ESR1: variants seen among roughly 807,000 people sequenced by gnomAD.
ESR1 encodes estrogen receptor 1, also known as estrogen receptor.
ESR1 carries 12 observed loss-of-function variants against 52.7 expected under a neutral mutation model. The observed-to-expected ratio is 0.23, with a 90% CI of 0.15 to 0.37. The LOEUF (loss-of-function observed/expected upper bound fraction) is 0.37, where lower values mean the gene tolerates loss of function less well. Among genes scored for constraint, ESR1 ranks in the 10% least tolerant of loss-of-function variants. The pLI, the probability that ESR1 is intolerant of heterozygous loss-of-function variation, is 1.00. For missense variants in ESR1, 584 were observed against 779.7 expected, an observed-to-expected ratio of 0.75 and a Z score of 2.99; for synonymous variants, 305 against 316.8, an observed-to-expected ratio of 0.96 and a Z score of 0.39.
chr6:151,866,005 G>A (rs1459809977), intron 2 of ESR1, among the ~76,000 whole-genome samples: 2 of 152,212 alleles, frequency 1.3e-5, no homozygotes, highest in Non-Finnish European at 2.9e-5. Flanking sequence ...CTTGAGCTGT[G>A]TGGGTGCCCA....
At chr6:151,717,121 AC>A (rs1398425002) in intron 2 of ESR1, among the ~76,000 whole-genome samples, 2 of 151,842 alleles carry the variant, frequency 1.3e-5, no homozygotes, top group Non-Finnish European at 2.9e-5. Flanking sequence ...GAGTTCCCTG[AC>A]CCCTTGGGAT....
chr6:152,101,034 G>GTTTTT lies in ESR1; in HGVS notation c.*2081_*2085dup. 1.0e-5 allele frequency: 2 copies of GTTTTT among 194,278 alleles called. No individual in the cohort carries two copies. The highest frequency in any genetic ancestry group is 2.0e-5 in the Non-Finnish European group (2 of 99,976). 12.0% of individuals were successfully genotyped at this position (194,278 alleles called of 1,614,324 possible). On this transcript the variant is annotated 3_prime_UTR_variant, in exon 8 of 8. Coordinates refer to ENST00000206249, the MANE Select transcript of ESR1 (RefSeq NM_000125.4). The stretch of plus-strand genomic sequence containing the variant: ...TGCAAAAACCAAGGAAAAATATTTA[G>GTTTTT]TTTTTTTTTTTTTTTTTGTATACTT...
intron 2 of ESR1, among the ~76,000 whole-genome samples, chr6:151,750,341 C>T (rs1783809935): frequency 6.6e-6 from 1 of 152,128 alleles, no homozygotes; most frequent in South Asian, 2.1e-4. Context: ...AAATCGTTCT[C>T]AGCAATGGCA....
At chr6:151,829,637 G>A (rs1184085112) in intron 1 of ESR1, among the ~76,000 whole-genome samples, 1 of 152,178 alleles carries the variant, frequency 6.6e-6, no homozygotes, top group Admixed American at 6.5e-5. Flanking sequence ...CCTCTTGGAT[G>A]CAGTGAAGAA....
At chr6:151,899,367 T>A (rs866083914) in intron 3 of ESR1, among the ~76,000 whole-genome samples, 1 of 55,854 alleles carries the variant, frequency 1.8e-5, no homozygotes, top group Non-Finnish European at 3.2e-5. Flanking sequence ...CCCCACCTCC[T>A]TCCCGGACGG....
At chr6:151,821,138 T>C (rs554971440) in intron 1 of ESR1, among the ~76,000 whole-genome samples, 30 of 152,190 alleles carry the variant, frequency 2.0e-4, no homozygotes, top group African/African-American at 7.0e-4. Flanking sequence ...TCCTCTATTC[T>C]GACTCCTGAC....
intron 4 of ESR1, among the ~76,000 whole-genome samples, chr6:151,965,835 A>G (rs1584516423): frequency 1.8e-5 from 2 of 110,108 alleles, no homozygotes; most frequent in Non-Finnish European, 3.8e-5. Flanking sequence ...GGTTTATAAT[A>G]GCTACTGTTC....
At chr6:151,672,588 C>T (rs74431386) in intron 1 of ESR1, among the ~76,000 whole-genome samples, 9,569 of 152,072 alleles carry the variant, frequency 0.063, 676 homozygotes, top group East Asian at 0.35. Flanking sequence ...CCACCTGCCT[C>T]GGCCTCCCAA....
intron 4 of ESR1, among the ~76,000 whole-genome samples, chr6:151,973,705 A>G (rs969225997): frequency 6.6e-6 from 1 of 152,198 alleles, no homozygotes; most frequent in Admixed American, 6.5e-5. Context: ...AGCAGAACAC[A>G]ATTTCACAGG....
At chr6:151,672,360 G>A (rs147294965) in intron 1 of ESR1, among the ~76,000 whole-genome samples, 2,207 of 146,764 alleles carry the variant, frequency 0.015, 24 homozygotes, top group Non-Finnish European at 0.022. Flanking sequence ...TTTTTGAGAC[G>A]GAGTCTTGCT....
intron 4 of ESR1, among the ~76,000 whole-genome samples, chr6:151,994,701 T>C (rs2041322430): frequency 6.6e-6 from 1 of 152,150 alleles, no homozygotes; most frequent in African/African-American, 2.4e-5. Flanking sequence ...TCTTCCTTGC[T>C]TCTTTTTCTC....
intron 6 of ESR1, among the ~76,000 whole-genome samples, chr6:152,084,763 A>G (rs1387781180): frequency 2.6e-5 from 4 of 152,270 alleles, no homozygotes; most frequent in South Asian, 2.1e-4. Context: ...AAGTTCTACA[A>G]AGTCTATTTC....
intron 1 of ESR1, among the ~76,000 whole-genome samples, chr6:151,809,928 T>G (rs1778534265): frequency 6.6e-6 from 1 of 152,098 alleles, no homozygotes; most frequent in African/African-American, 2.4e-5. Flanking sequence ...CACACAACAT[T>G]TAAAACTGCT....
chr6:151,871,415 T>G (rs990335099), intron 2 of ESR1, among the ~76,000 whole-genome samples: 2 of 152,102 alleles, frequency 1.3e-5, no homozygotes, highest in Non-Finnish European at 2.9e-5. Flanking sequence ...TTTTATTTTA[T>G]TTTTTGAGAT....
chr6:151,744,772 T>C (rs1360106755), intron 2 of ESR1, among the ~76,000 whole-genome samples: 3 of 152,232 alleles, frequency 2.0e-5, no homozygotes, highest in Non-Finnish European at 4.4e-5. Context: ...TGTGCATATC[T>C]AAGAAACTGT....
chr6:152,042,845 C>T (rs969703845), intron 5 of ESR1, among the ~76,000 whole-genome samples: 34 of 152,184 alleles, frequency 2.2e-4, no homozygotes, highest in African/African-American at 7.7e-4. Context: ...GCCTTGCCTC[C>T]GCTGACCTTT....
chr6:152,072,103 C>G (rs2048400468), intron 6 of ESR1, among the ~76,000 whole-genome samples: 1 of 152,220 alleles, frequency 6.6e-6, no homozygotes, highest in Non-Finnish European at 1.5e-5. Context: ...CCACTGCCCT[C>G]TCCTCTAAAA....
chr6:151,843,851 T>C (rs1240236038), intron 2 of ESR1, among the ~76,000 whole-genome samples: 1 of 151,566 alleles, frequency 6.6e-6, no homozygotes. Context: ...TGCCCTGATA[T>C]GAGATGAAAG....
intron 6 of ESR1, among the ~76,000 whole-genome samples, chr6:152,062,108 C>T (rs1374358541): frequency 6.6e-6 from 1 of 152,130 alleles, no homozygotes; most frequent in Non-Finnish European, 1.5e-5. Flanking sequence ...TGAATTGCAG[C>T]TTGTATTGAT....
Sources: gnomAD v4.1 joint callset for allele counts (sites outside exome capture counted in the v4.1 genomes callset) on GRCh38, gnomAD v4.1.1 for gene constraint, MANE v1.5 for transcripts, NCBI Gene and HGNC (gene_info 2026-07-23, HGNC 2026-07-21) for gene names.